Variants in ITGB1 observed in about 807,000 individuals in gnomAD.
The protein encoded by ITGB1 is integrin beta-1.
ITGB1 carries 24 observed loss-of-function variants against 86.5 expected under a neutral mutation model. The ratio of observed to expected loss-of-function variants is 0.28; its 90% CI spans 0.20 to 0.39. ITGB1 has a LOEUF of 0.39. Among genes scored for constraint, ITGB1 ranks in the 10% least tolerant of loss-of-function variants. ITGB1 has a pLI of 1.00. For synonymous variants in ITGB1, 323 were observed against 316.8 expected (o/e 1.02, Z -0.21); for missense variants, 556 against 946.9 (o/e 0.59, Z 5.42).
At chr10:32,919,487 A>G (rs2094942053) in intron 11 of ITGB1, among the ~76,000 whole-genome samples, 1 of 152,216 alleles carries the variant, frequency 6.6e-6, no homozygotes, top group African/African-American at 2.4e-5. Flanking sequence ...CTACTGCTTC[A>G]TAATTCCATT....
chr10:32,945,983 G>T (rs866960462), intron 1 of ITGB1, among the ~76,000 whole-genome samples: 85 of 152,182 alleles, frequency 5.6e-4, no homozygotes, highest in African/African-American at 1.9e-3. Context: ...TGTATTGAGG[G>T]TTATAATTTT....
chr10:32,919,800 T>G (rs2094943021), intron 11 of ITGB1, 85 bp downstream of exon 11: 7 of 1,164,348 alleles, frequency 6.0e-6, no homozygotes, highest in South Asian at 1.3e-5. Flanking sequence ...AATAGAGAGA[T>G]ATTCTCTGGA....
intron 1 of ITGB1, among the ~76,000 whole-genome samples, chr10:32,948,983 A>C (rs1418876629): frequency 1.3e-5 from 2 of 151,884 alleles, no homozygotes; most frequent in African/African-American, 4.8e-5. Context: ...AAAAAAAAAA[A>C]AGACTGACTT....
chr10:32,949,545 G>A (rs1362264144), intron 1 of ITGB1, among the ~76,000 whole-genome samples: 3 of 152,068 alleles, frequency 2.0e-5, no homozygotes, highest in Non-Finnish European at 4.4e-5. Context: ...TTTGTGTCTT[G>A]TTCCTATAAA....
chr10:32,900,347 A>G lies in ITGB1; in HGVS notation c.*1223T>C, dbSNP rs538601179. 40 of 152,682 alleles carry G rather than the reference A, an allele frequency of 2.6e-4. No individual in the cohort carries two copies. Among genetic ancestry groups the G allele is most frequent in the African/African-American group, 8.9e-4 (37 of 41,574 alleles). The allele number at this position is 152,682 out of a possible 1,614,324, so 9.5% of individuals were successfully genotyped here. ...TTTCCTCAACTTCTTTAATCTATAA[A>G]AATTTCATGCACACAACCTGATAAA... On this transcript the variant is annotated 3_prime_UTR_variant, in exon 16 of 16. Coordinates refer to ENST00000302278, the MANE Select transcript of ITGB1 (RefSeq NM_002211.4).
At chr10:32,956,316 C>G (rs907848306) in intron 1 of ITGB1, among the ~76,000 whole-genome samples, 1 of 151,628 alleles carries the variant, frequency 6.6e-6, no homozygotes, top group Non-Finnish European at 1.5e-5. Context: ...TATAACCTAT[C>G]GTAAAGGACG....
chr10:32,908,602 G>A (rs779332734), intron 14 of ITGB1, 68 bp from the exon 15 acceptor site: 11 of 1,355,440 alleles, frequency 8.1e-6, no homozygotes, highest in Non-Finnish European at 9.3e-6. Flanking sequence ...AAACATACAG[G>A]AATAAACACC....
At position 32,910,768 on chromosome 10, in the gene ITGB1, C is replaced by T. The variant is rs1438061379; in HGVS notation, c.1932-313G>A. Among the ~76,000 whole-genome samples, 7 of 150,354 alleles carry T rather than the reference C, an allele frequency of 4.7e-5. No homozygotes were observed. The East Asian group carries it at 9.7e-4, about 21-fold the overall frequency. ...TAAAATCATAATAATTTTTTTTTTG[C>T]GATGGAGTCTTGTTCTGTCATCCAG... On this transcript the variant is annotated intron_variant, in intron 13 of 15. Coordinates refer to ENST00000302278, the MANE Select transcript of ITGB1 (RefSeq NM_002211.4).
Position 32,905,650 on chromosome 10 carries a change from G to A in ITGB1, c.2331+2718C>T, listed in dbSNP as rs528825400. On this transcript the variant is annotated intron_variant, in intron 15 of 15. Coordinates refer to ENST00000302278, the MANE Select transcript of ITGB1 (RefSeq NM_002211.4). ...TCTGACTAACCAGCCGTGGGAACTC[G>A]GTCAAGTTACATAACCCTTATGTGT... Among the ~76,000 whole-genome samples, 5 of 152,280 alleles carry A rather than the reference G, an allele frequency of 3.3e-5. No individual in the cohort carries two copies. The South Asian group carries it at 8.3e-4, about 25-fold the overall frequency.
chr10:32,942,644 A>T lies in ITGB1; in HGVS notation c.1-7086T>A, dbSNP rs547580636. ...GAGGTAAGAGGACTGCCTGAGGCAAAGAGTTCAAGACTAGCCTCGACCCTG... is the reference window on the plus strand; with the variant it reads ...GAGGTAAGAGGACTGCCTGAGGCAATGAGTTCAAGACTAGCCTCGACCCTG... On this transcript the variant is annotated intron_variant, in intron 1 of 15. Transcript: ENST00000302278. Among the ~76,000 whole-genome samples, 8 of 151,596 alleles carry T rather than the reference A, an allele frequency of 5.3e-5. No homozygotes were observed. In the South Asian group the frequency reaches 6.3e-4, roughly 12 times the overall value.
Position 32,919,763 on chromosome 10 carries a change from C to T in ITGB1, c.1469+122G>A, listed in dbSNP as rs189199433. 9.8e-5 allele frequency: 75 copies of T among 762,356 alleles called. 1 individual carries two copies. Among genetic ancestry groups the T allele is most frequent in the Admixed American group, 8.8e-4 (38 of 43,258 alleles). 47.2% of individuals were successfully genotyped at this position (762,356 alleles called of 1,614,324 possible). On this transcript the variant is annotated intron_variant, in intron 11 of 15. Coordinates refer to ENST00000302278, the MANE Select transcript of ITGB1 (RefSeq NM_002211.4). ...TCAAACTGATCTTGTGGTGAGCAACCGTGGTTGGAAAAAATAATTTGCTCC... is the reference window on the plus strand; with the variant it reads ...TCAAACTGATCTTGTGGTGAGCAACTGTGGTTGGAAAAAATAATTTGCTCC...
intron 1 of ITGB1, among the ~76,000 whole-genome samples, chr10:32,949,475 C>G (rs912267719): frequency 5.9e-5 from 9 of 152,274 alleles, no homozygotes; most frequent in Admixed American, 1.3e-4. Context: ...GGCATTTGAA[C>G]TTAATAGAGG....
chr10:32,957,088 G>A (rs1232611220), intron 1 of ITGB1, among the ~76,000 whole-genome samples: 4 of 152,120 alleles, frequency 2.6e-5, no homozygotes, highest in Non-Finnish European at 4.4e-5. Context: ...AGCGGTTCCA[G>A]AATTAAATAA....
chr10:32,925,936 T>G lies in ITGB1; in HGVS notation c.721A>C (p.Ile241Leu). The part of the protein sequence containing the change: ...VFNELVGKQR[I>L]SGNLDSPEGG... The stretch of plus-strand genomic sequence containing the variant: ...TCTGGAGAATCCAAATTTCCAGATA[T>G]GCGCTGTTTTCCAACAAGTTCATTA... The change falls in exon 6 of 16, where the codon ATA (isoleucine) becomes CTA (leucine). Residue 241 changes from isoleucine to leucine, a missense_variant. Physicochemically the swap from Ile to Leu is conservative, Grantham distance 5 (BLOSUM62 2). Around this residue, in one of 4 missense-constraint regions of ITGB1, gnomAD observed 183 missense variants for 263.9 expected, o/e 0.69. Coordinates refer to ENST00000302278, the MANE Select transcript of ITGB1 (RefSeq NM_002211.4). 1 of 1,614,176 alleles carries G rather than the reference T, an allele frequency of 6.2e-7. No homozygotes were observed. Among genetic ancestry groups the G allele is most frequent in the Non-Finnish European group, 8.5e-7 (1 of 1,180,004 alleles).
At chr10:32,940,483 C>G (rs922087391) in intron 1 of ITGB1, among the ~76,000 whole-genome samples, 1 of 152,076 alleles carries the variant, frequency 6.6e-6, no homozygotes, top group African/African-American at 2.4e-5. Flanking sequence ...TTGTTTACAC[C>G]AGCATCACCA....
At position 32,920,336 on chromosome 10, in the gene ITGB1, ACGC is replaced by A. The variant is rs1191292684; in HGVS notation, c.1175_1177del (p.Gly392del). Reference sequence around the variant, plus strand: ...GCAGTAAGATTTGTAACTTATTGTTACGCCTTCTGACAATTTGCCGTTTTCCAA... The same window carrying A: ...GCAGTAAGATTTGTAACTTATTGTTACTTCTGACAATTTGCCGTTTTCCAA... On this transcript the variant is annotated inframe_deletion, in exon 10 of 16. Transcript: ENST00000302278. The A allele has an allele frequency of 6.2e-7, 1 of 1,612,702 alleles. No individual in the cohort carries two copies. Among genetic ancestry groups the A allele is most frequent in the Non-Finnish European group, 8.5e-7 (1 of 1,179,006 alleles).
At position 32,920,290 on chromosome 10, in the gene ITGB1, T is replaced by G. The variant is rs753738150; in HGVS notation, c.1224A>C (p.Thr408=). 9 of 1,613,560 alleles carry G rather than the reference T, an allele frequency of 5.6e-6. No homozygotes were observed. ...TGGAACATTTTCTTCCATTTTCCCC[T>G]GTTCCATTCACCCCGTTCTTGCAGT... ...KSYCKNGVNG[T]GENGRKCSNI... The change falls in exon 10 of 16, where the codon ACA becomes ACC. Residue 408 remains threonine, a synonymous_variant. Coordinates refer to ENST00000302278, the MANE Select transcript of ITGB1 (RefSeq NM_002211.4).
In ITGB1 at chr10:32,902,207, A is replaced by T. The variant is rs186884136; in HGVS notation, c.2332-572T>A. ...CCAAATTTGCTTAGAATGTTAGATA[A>T]TTACCATTCCTTATGAAATAACTTG... On this transcript the variant is annotated intron_variant, in intron 15 of 15. Transcript: ENST00000302278. 6.6e-5 allele frequency among the ~76,000 whole-genome samples: 10 copies of T among 152,288 alleles called. No homozygotes were observed. In the East Asian group the frequency reaches 1.9e-3, roughly 29 times the overall value.
chr10:32,919,067 G>A (rs1302859815), intron 11 of ITGB1, among the ~76,000 whole-genome samples: 1 of 152,172 alleles, frequency 6.6e-6, no homozygotes, highest in Non-Finnish European at 1.5e-5. Flanking sequence ...GGACCTGCAT[G>A]ATTAAAACAG....
Sources: allele counts gnomAD v4.1 joint callset (sites outside exome capture counted in the v4.1 genomes callset), GRCh38; gene constraint gnomAD v4.1.1; regional missense constraint gnomAD v4.1.1; transcripts MANE v1.5; gene names NCBI Gene and HGNC (gene_info 2026-07-23, HGNC 2026-07-21).